ACSL1: variants seen among roughly 807,000 people sequenced by gnomAD.
The protein encoded by ACSL1 is long-chain-fatty-acid--CoA ligase 1.
ACSL1 carries 41 observed loss-of-function variants against 98.4 expected under a neutral mutation model. The observed-to-expected ratio is 0.42, with a 90% CI of 0.32 to 0.54. The LOEUF is 0.54. Among genes scored for constraint, ACSL1 ranks in the 20% least tolerant of loss-of-function variants. The pLI, the probability that ACSL1 is intolerant of heterozygous loss-of-function variation, is 0.13. For synonymous variants in ACSL1, 316 were observed against 322.7 expected (o/e 0.98, Z 0.22); for missense variants, 734 against 883.1 (o/e 0.83, Z 2.14).
At chr4:184,792,450 T>TC (rs1326717809) in intron 2 of ACSL1, among the ~76,000 whole-genome samples, 20 of 152,088 alleles carry the variant, frequency 1.3e-4, no homozygotes, top group Non-Finnish European at 2.5e-4. Flanking sequence ...TATTTTTTTT[T>TC]CCCGAAACAG....
intron 1 of ACSL1, among the ~76,000 whole-genome samples, chr4:184,820,407 G>A (rs972182535): frequency 4.6e-5 from 7 of 152,186 alleles, no homozygotes; most frequent in Non-Finnish European, 7.3e-5. Context: ...GAAAGTCACA[G>A]CTACATAGCA....
rs1444825522 is a variant in ACSL1 at position 184,770,428 on chromosome 4, G to A, written c.964C>T (p.Leu322Phe). Residue 322 changes from leucine to phenylalanine, a missense_variant, in exon 11 of 21, where the codon CTC becomes TTC. Coordinates refer to ENST00000281455, the MANE Select transcript of ACSL1 (RefSeq NM_001995.5). ...ACAACTCTCTCAAACATATGGGCGA[G>A]AGGCAAGAAAGATATCAAAGTATCA... ...PDDTLISFLP[L>F]AHMFERVVEC... 3.1e-6 allele frequency: 5 copies of A among 1,613,628 alleles called. No individual in the cohort carries two copies. Among genetic ancestry groups the A allele is most frequent in the African/African-American group, 1.3e-5 (1 of 74,874 alleles).
At chr4:184,759,736 G>A (rs2150259866) in intron 18 of ACSL1, among the ~76,000 whole-genome samples, 1 of 152,228 alleles carries the variant, frequency 6.6e-6, no homozygotes, top group South Asian at 2.1e-4. Context: ...ACTGTTGGTG[G>A]GACTGTAAAC....
chr4:184,816,038 T>C (rs576140648), intron 1 of ACSL1, among the ~76,000 whole-genome samples: 1 of 151,832 alleles, frequency 6.6e-6, no homozygotes, highest in Admixed American at 6.6e-5. Flanking sequence ...GAGAGTCGAT[T>C]GAACCTGTGG....
Position 184,776,498 on chromosome 4 carries a change from T to C in ACSL1, c.742A>G (p.Met248Val), listed in dbSNP as rs1333069764. 7 of 1,613,084 alleles carry C rather than the reference T, an allele frequency of 4.3e-6. No individual in the cohort carries two copies. Among genetic ancestry groups the C allele is most frequent in the Non-Finnish European group, 5.9e-6 (7 of 1,179,588 alleles). ...AGGGCACTCACCTCCATCGCCTTCA[T>C]GCTGGTGACTTCCACCCCACACCTC... The part of the protein sequence containing the change: ...GQRCGVEVTS[M>V]KAMEDLGRAN... The change falls in exon 7 of 21, where the codon ATG becomes GTG. Residue 248 changes from methionine to valine, a missense_variant. Transcript: ENST00000281455.
intron 1 of ACSL1, among the ~76,000 whole-genome samples, chr4:184,807,649 C>G (rs977829063): frequency 1.3e-5 from 2 of 152,206 alleles, no homozygotes; most frequent in African/African-American, 4.8e-5. Context: ...CACGGACTGT[C>G]AGAAACCAAA....
In ACSL1 at chr4:184,756,647, G is replaced by A. The variant is rs556482376; in HGVS notation, c.*478C>T. 1 of 153,156 alleles carries A rather than the reference G, an allele frequency of 6.5e-6. No homozygotes were observed. The highest frequency in any genetic ancestry group is 2.1e-4 in the South Asian group (1 of 4,848). The allele number at this position is 153,156 out of a possible 1,614,324, so 9.5% of individuals were successfully genotyped here. A position where few individuals can be genotyped will look rare whatever the true frequency, so the allele number is the denominator to read the frequency against. On this transcript the variant is annotated 3_prime_UTR_variant, in exon 21 of 21. Coordinates refer to ENST00000281455, the MANE Select transcript of ACSL1 (RefSeq NM_001995.5). ...ATTTAAAAAGATCTCTGGTCCGCTT[G>A]TGAGATTCTCCAGCCAGGACAGTTG... is the stretch of plus-strand genomic sequence containing the variant.
intron 1 of ACSL1, among the ~76,000 whole-genome samples, chr4:184,811,165 G>GT (rs1438900913): frequency 6.6e-6 from 1 of 152,172 alleles, no homozygotes; most frequent in Non-Finnish European, 1.5e-5. Flanking sequence ...CTGGAGTGCA[G>GT]TGGTGTGATC....
intron 1 of ACSL1, among the ~76,000 whole-genome samples, chr4:184,810,292 T>C (rs568668227): frequency 1.8e-4 from 28 of 152,314 alleles, no homozygotes; most frequent in African/African-American, 6.7e-4. Context: ...AGAGACGGTT[T>C]CAGGACAAGG....
upstream of ACSL1, chr4:184,826,580 G>A (rs1402458862): frequency 6.6e-6 from 1 of 152,348 alleles, no homozygotes; most frequent in African/African-American, 2.4e-5. Flanking sequence ...AGCTCGCGCC[G>A]GTGCAGGGGA....
chr4:184,757,695 T>C lies in ACSL1; in HGVS notation c.1896A>G (p.Lys632=), dbSNP rs139154123. ...GTCTCACCATATCTTCGAGGATAGCTTTTTTGACATCCTAAAAGGGTAAGA... is the reference window on the plus strand; with the variant it reads ...GTCTCACCATATCTTCGAGGATAGCCTTTTTGACATCCTAAAAGGGTAAGA... ...EELCRNKDVK[K]AILEDMVRLG... The change falls in exon 20 of 21, where the codon AAA becomes AAG. Residue 632 remains lysine, a synonymous_variant. Coordinates refer to ENST00000281455, the MANE Select transcript of ACSL1 (RefSeq NM_001995.5). The surrounding 1 kb of genome is among the most constrained non-coding windows in gnomAD (Gnocchi z 4.5). 1,787 of 1,613,722 alleles carry C rather than the reference T, an allele frequency of 1.1e-3. 1 individual carries two copies. The highest frequency in any genetic ancestry group is 1.5e-3 in the Non-Finnish European group (1,724 of 1,179,700).
chr4:184,784,081 A>G, intron 3 of ACSL1, 90 bp from the exon 4 acceptor site: 1 of 1,017,266 alleles, frequency 9.8e-7, no homozygotes, highest in Non-Finnish European at 1.5e-6. Flanking sequence ...CTAATACTAA[A>G]CATCAGCTAG....
At chr4:184,797,158 TCCCG>T (rs1769540860) in intron 2 of ACSL1, among the ~76,000 whole-genome samples, 1 of 151,924 alleles carries the variant, frequency 6.6e-6, no homozygotes, top group Non-Finnish European at 1.5e-5. Context: ...CAACAACAGC[TCCCG>T]CTCACAGCGG....
chr4:184,812,182 T>C (rs114939955), intron 1 of ACSL1: 29,512 of 985,060 alleles, frequency 0.03, 657 homozygotes, highest in Non-Finnish European at 0.033. Context: ...TTAGTACCTA[T>C]GTAGATGCTT....
chr4:184,796,576 C>G (rs1030035424), intron 2 of ACSL1, among the ~76,000 whole-genome samples: 1 of 152,180 alleles, frequency 6.6e-6, no homozygotes, highest in African/African-American at 2.4e-5. Flanking sequence ...CATGGAATAA[C>G]AGGCCATGGG....
chr4:184,808,583 C>G (rs768140366), intron 1 of ACSL1: 70 of 839,812 alleles, frequency 8.3e-5, no homozygotes, highest in Non-Finnish European at 9.9e-5. Context: ...TTTACAGAGG[C>G]TGAAAGCGCC....
At chr4:184,797,417 G>A (rs924223241) in intron 2 of ACSL1, among the ~76,000 whole-genome samples, 11 of 152,186 alleles carry the variant, frequency 7.2e-5, no homozygotes, top group African/African-American at 2.2e-4. Flanking sequence ...CCAGCCACAC[G>A]GGGAAATCCT....
At chr4:184,812,303 TGACCCTCTGTGATTCTGACCGTGTCA>T (rs1209757474) in intron 1 of ACSL1, 13 of 870,392 alleles carry the variant, frequency 1.5e-5, no homozygotes, top group Admixed American at 6.2e-5. Flanking sequence ...GAGTCATGAA[TGACCCTCTGTGATTCTGACCGTGTCA>T]GACCCTCTGT....
chr4:184,808,304 T>G (rs1053676569), intron 1 of ACSL1: 1 of 985,320 alleles, frequency 1.0e-6, no homozygotes, highest in African/African-American at 1.7e-5. Context: ...TAACATTGTA[T>G]TCTCTTCATG....
Sources: gnomAD v4.1 joint callset for allele counts (sites outside exome capture counted in the v4.1 genomes callset) on GRCh38, gnomAD v4.1.1 for gene constraint, Gnocchi (gnomAD v3.1) non-coding constraint, MANE v1.5 for transcripts, NCBI Gene and HGNC (gene_info 2026-07-23, HGNC 2026-07-21) for gene names.